DSCAML1: variants seen among roughly 807,000 people sequenced by gnomAD.
DSCAML1 encodes the protein cell adhesion molecule DSCAML1.
A neutral mutation model predicts 200.5 loss-of-function variants in DSCAML1; 38 were observed. That is an observed-to-expected ratio of 0.19 (90% CI 0.15 to 0.25). The LOEUF is 0.25. DSCAML1 is among the 10% of genes least tolerant of loss of function. DSCAML1 has a pLI of 1.00. For missense variants in DSCAML1, 2,223 were observed against 2,858.8 expected, an observed-to-expected ratio of 0.78 and a Z score of 5.07; for synonymous variants, 1,215 against 1,165.0, an observed-to-expected ratio of 1.04 and a Z score of -0.87.
intron 8 of DSCAML1, among the ~76,000 whole-genome samples, chr11:117,507,353 G>A (rs1038679435): frequency 7.9e-5 from 12 of 152,196 alleles, no homozygotes; most frequent in African/African-American, 2.9e-4. Context: ...CACAGTGGGG[G>A]ATGGGCTCTG....
At chr11:117,740,708 C>A (rs1000077793) in intron 3 of DSCAML1, among the ~76,000 whole-genome samples, 2 of 152,232 alleles carry the variant, frequency 1.3e-5, no homozygotes, top group African/African-American at 4.8e-5. Context: ...GGACAAGCCT[C>A]GTCTTAGCAA....
intron 3 of DSCAML1, among the ~76,000 whole-genome samples, chr11:117,759,455 G>A (rs1466693943): frequency 3.9e-5 from 6 of 152,200 alleles, no homozygotes; most frequent in Non-Finnish European, 7.4e-5. Context: ...CCTGAGGGGG[G>A]CCTCGTCCCC....
chr11:117,816,295 A>T (rs1037558233), intron 1 of DSCAML1, among the ~76,000 whole-genome samples: 1 of 152,116 alleles, frequency 6.6e-6, no homozygotes, highest in African/African-American at 2.4e-5. Flanking sequence ...AATGTCCCGG[A>T]AGGAGGCCGC....
At chr11:117,628,108 T>C (rs2052093812) in intron 3 of DSCAML1, among the ~76,000 whole-genome samples, 1 of 152,214 alleles carries the variant, frequency 6.6e-6, no homozygotes, top group Non-Finnish European at 1.5e-5. Flanking sequence ...CATCAGCATG[T>C]CATTATTCCA....
At chr11:117,461,737 G>A in intron 17 of DSCAML1, 141 bp from the exon 18 acceptor site, 1 of 724,324 alleles carries the variant, frequency 1.4e-6, no homozygotes, top group Non-Finnish European at 2.3e-6. Flanking sequence ...CCTGACTTGA[G>A]CATCCTGATT....
At chr11:117,453,746 C>CTTTTT (rs138176049) in intron 19 of DSCAML1, among the ~76,000 whole-genome samples, 7 of 138,166 alleles carry the variant, frequency 5.1e-5, no homozygotes, top group South Asian at 2.4e-4. Flanking sequence ...TTCTTTCTTT[C>CTTTTT]TTTTTTTTTT....
chr11:117,729,901 C>T (rs11600991), intron 3 of DSCAML1, among the ~76,000 whole-genome samples: 122,531 of 152,202 alleles, frequency 0.81, 52,180 homozygotes, highest in Non-Finnish European at 0.94. Flanking sequence ...TGCAAAGGTC[C>T]TTTGAAAAAG....
At chr11:117,701,171 C>G (rs980693482) in intron 3 of DSCAML1, among the ~76,000 whole-genome samples, 4 of 152,040 alleles carry the variant, frequency 2.6e-5, no homozygotes, top group Admixed American at 2.0e-4. Flanking sequence ...GAGGCTGAGG[C>G]AGGAGAATTG....
intron 3 of DSCAML1, among the ~76,000 whole-genome samples, chr11:117,705,605 A>G (rs1309715078): frequency 6.6e-6 from 1 of 152,306 alleles, no homozygotes; most frequent in African/African-American, 2.4e-5. Context: ...GCTCAGAAAG[A>G]GAGACCAGTA....
chr11:117,428,185 G>A lies in DSCAML1; in HGVS notation c.*143C>T. ...TTGTACAAAAGAGTTCTATGTACAG[G>A]CGTTCATGATTGGGGGTTTTTGTTT... On this transcript the variant is annotated 3_prime_UTR_variant, in exon 33 of 33. Transcript: ENST00000651296. 3.2e-6 allele frequency: 2 copies of A among 619,718 alleles called. No individual in the cohort carries two copies. The highest frequency in any genetic ancestry group is 1.9e-5 in the African/African-American group (1 of 51,534). 38.4% of individuals were successfully genotyped at this position (619,718 alleles called of 1,614,324 possible).
chr11:117,736,721 A>C (rs1428160167), intron 3 of DSCAML1, among the ~76,000 whole-genome samples: 1 of 152,206 alleles, frequency 6.6e-6, no homozygotes, highest in Non-Finnish European at 1.5e-5. Context: ...AAAGCTTCTT[A>C]GGGTTGCTTC....
At chr11:117,692,882 T>C (rs1381226111) in intron 3 of DSCAML1, among the ~76,000 whole-genome samples, 1 of 152,234 alleles carries the variant, frequency 6.6e-6, no homozygotes, top group Non-Finnish European at 1.5e-5. Flanking sequence ...CCCATGAAAC[T>C]GGTCTACTTC....
Position 117,797,212 on chromosome 11 carries a change from C to T in DSCAML1, c.-133G>A. On this transcript the variant is annotated 5_prime_UTR_variant, in exon 1 of 33. Transcript: ENST00000651296. The stretch of plus-strand genomic sequence containing the variant: ...TCTCTCTGCTCCTCAGCCCAGCGCT[C>T]GGCTGCGGCGGCGGCTCCTCCCTCC... The T allele has an allele frequency of 5.4e-6, 8 of 1,493,702 alleles. No homozygotes were observed. The highest frequency in any genetic ancestry group is 6.2e-6 in the Non-Finnish European group (7 of 1,122,196). The allele number at this position is 1,493,702 out of a possible 1,614,324, so 92.5% of individuals were successfully genotyped here. A position where few individuals can be genotyped will look rare whatever the true frequency, so the allele number is the denominator to read the frequency against.
intron 3 of DSCAML1, among the ~76,000 whole-genome samples, chr11:117,699,649 G>A (rs112313860): frequency 2.6e-5 from 4 of 152,148 alleles, no homozygotes; most frequent in Non-Finnish European, 5.9e-5. Context: ...TGACTAGTGA[G>A]TGCCCAGAGG....
At chr11:117,465,224 A>G (rs1424358464) in intron 16 of DSCAML1, 42 bp from the exon 17 acceptor site, 5 of 1,603,062 alleles carry the variant, frequency 3.1e-6, no homozygotes, top group Non-Finnish European at 4.3e-6. Flanking sequence ...AAATGGCAAC[A>G]CGCTGAGATG....
chr11:117,603,672 A>T (rs569623007), intron 3 of DSCAML1, among the ~76,000 whole-genome samples: 66 of 152,358 alleles, frequency 4.3e-4, no homozygotes, highest in Non-Finnish European at 7.2e-4. Flanking sequence ...GTTTAAATTC[A>T]AAAAGGGGAG....
chr11:117,476,399 T>C lies in DSCAML1; in HGVS notation c.2785+4044A>G, dbSNP rs188336513. On this transcript the variant is annotated intron_variant, in intron 14 of 32. Transcript: ENST00000651296. ...CACACCTTTGAGACCCCCATGACAA[T>C]CTCTTCACAGCACGGAGAAGAGGCC... Among the ~76,000 whole-genome samples, 5 of 152,170 alleles carry C rather than the reference T, an allele frequency of 3.3e-5. No individual in the cohort carries two copies. The East Asian group carries it at 9.7e-4, about 29-fold the overall frequency.
Position 117,809,961 on chromosome 11 carries a change from T to A in DSCAML1, c.-250+7429A>T, listed in dbSNP as rs1278117008. Among the ~76,000 whole-genome samples, 5 of 149,590 alleles carry A rather than the reference T, an allele frequency of 3.3e-5. No individual in the cohort carries two copies. The South Asian group carries it at 8.4e-4, about 25-fold the overall frequency. ...TATTCACATACACACATTCACACAC[T>A]CACACATTCACACACACTCATACAC... On this transcript the variant is annotated intron_variant, in intron 1 of 2. Transcript: ENST00000525836.
chr11:117,750,853 T>A (rs2137866807), intron 3 of DSCAML1, among the ~76,000 whole-genome samples: 1 of 152,284 alleles, frequency 6.6e-6, no homozygotes, highest in Middle Eastern at 3.4e-3. Context: ...CCCCAGCCCC[T>A]GCCCTCCAGG....
Sources: allele counts gnomAD v4.1 joint callset (sites outside exome capture counted in the v4.1 genomes callset), GRCh38; gene constraint gnomAD v4.1.1; transcripts MANE v1.5; gene names NCBI Gene and HGNC (gene_info 2026-07-23, HGNC 2026-07-21).